Variants in CHM observed in about 807,000 individuals in gnomAD.
CHM encodes CHM Rab escort protein.
A neutral mutation model predicts 49.0 loss-of-function variants in CHM; 10 were observed. The ratio of observed to expected loss-of-function variants is 0.20; its 90% CI spans 0.13 to 0.35. The LOEUF (loss-of-function observed/expected upper bound fraction) is 0.35. CHM is among the 10% of genes least tolerant of loss of function. CHM has a pLI of 1.00. For synonymous variants in CHM, 184 were observed against 167.5 expected (o/e 1.10, Z -0.76); for missense variants, 455 against 478.4 (o/e 0.95, Z 0.46).
chrX:85,899,810 AC>A (rs1926140903), intron 11 of CHM, among the ~76,000 whole-genome samples: 1 of 108,937 alleles, frequency 9.2e-6, no homozygotes, highest in African/African-American at 3.3e-5. Context: ...TATACATATT[AC>A]CATGTAGATT....
chrX:86,022,420 C>T (rs1362015315), intron 2 of CHM, among the ~76,000 whole-genome samples: 1 of 111,189 alleles, frequency 9.0e-6, no homozygotes, highest in African/African-American at 3.3e-5. Flanking sequence ...CAGACTTTCT[C>T]CTCTATGGGT....
chrX:85,974,970 A>AT (rs1235013425), intron 4 of CHM, among the ~76,000 whole-genome samples: 2 of 110,781 alleles, frequency 1.8e-5, no homozygotes, highest in Non-Finnish European at 3.8e-5. Context: ...TTTAGAATGG[A>AT]TTTTTTTTAA....
At chrX:86,002,926 G>A (rs62608952) in intron 2 of CHM, among the ~76,000 whole-genome samples, 19,020 of 111,710 alleles carry the variant, frequency 0.17, 1,539 homozygotes, top group Non-Finnish European at 0.25. Flanking sequence ...CGAACAGACT[G>A]CCTCCTTAAG....
At chrX:86,014,525 G>A (rs868642414) in intron 2 of CHM, among the ~76,000 whole-genome samples, 1 of 112,633 alleles carries the variant, frequency 8.9e-6, no homozygotes, top group African/African-American at 3.2e-5. Flanking sequence ...ATGAATTACA[G>A]AACTAACTAA....
intron 2 of CHM, among the ~76,000 whole-genome samples, chrX:85,986,315 A>G (rs1931908094): frequency 9.0e-6 from 1 of 111,431 alleles, no homozygotes; most frequent in Non-Finnish European, 1.9e-5. Flanking sequence ...CAAGTTGTGG[A>G]AAAAACATAA....
chrX:85,902,889 C>G (rs1926370742), intron 9 of CHM, among the ~76,000 whole-genome samples: 1 of 111,280 alleles, frequency 9.0e-6, no homozygotes, highest in African/African-American at 3.3e-5. Flanking sequence ...GAGGAAATAA[C>G]TGGGCAGAAA....
At chrX:85,882,999 G>T (rs1165028336) in intron 12 of CHM, among the ~76,000 whole-genome samples, 2 of 111,087 alleles carry the variant, frequency 1.8e-5, no homozygotes, top group South Asian at 3.8e-4. Context: ...ACCTCTTCCG[G>T]TCTCAAATTT....
intron 8 of CHM, among the ~76,000 whole-genome samples, chrX:85,951,818 C>A (rs772797602): frequency 2.0e-4 from 22 of 112,632 alleles, no homozygotes; most frequent in African/African-American, 7.1e-4. Context: ...CTGAAGGAGG[C>A]ACTGAAGACA....
At chrX:85,878,077 G>C (rs1393588044) in intron 13 of CHM, among the ~76,000 whole-genome samples, 2 of 111,879 alleles carry the variant, frequency 1.8e-5, no homozygotes, top group African/African-American at 6.5e-5. Context: ...AGCTGCAAGT[G>C]CTACCCTATT....
chrX:86,028,361 G>A (rs1933922039), intron 1 of CHM, among the ~76,000 whole-genome samples: 1 of 111,563 alleles, frequency 9.0e-6, no homozygotes, highest in African/African-American at 3.3e-5. Context: ...TTTAAACCCA[G>A]ATATAACTCC....
At chrX:85,883,090 G>C (rs1924859415) in intron 12 of CHM, among the ~76,000 whole-genome samples, 1 of 111,594 alleles carries the variant, frequency 9.0e-6, no homozygotes, top group East Asian at 2.8e-4. Context: ...CATTACAAAT[G>C]TGAATGTAAA....
chrX:85,993,337 C>T (rs968312527), intron 2 of CHM, among the ~76,000 whole-genome samples: 5 of 111,506 alleles, frequency 4.5e-5, no homozygotes, highest in African/African-American at 1.3e-4. Context: ...AAAAAAAAAT[C>T]TTAAACTCAT....
chrX:86,041,399 C>A (rs766748775), intron 1 of CHM, among the ~76,000 whole-genome samples: 3 of 110,748 alleles, frequency 2.7e-5, no homozygotes, highest in African/African-American at 9.8e-5. Context: ...TTTTTCAGAA[C>A]AGCAAAATCT....
Position 86,047,516 on chromosome X carries a change from G to A in CHM, c.17C>T (p.Pro6Leu), listed in dbSNP as rs201252021. 1.2e-5 allele frequency: 14 copies of A among 1,207,864 alleles called. No individual in the cohort carries two copies. Among genetic ancestry groups the A allele is most frequent in the African/African-American group, 1.7e-5 (1 of 57,771 alleles). ...TATTACGATCACATCAAACTCCGAA[G>A]GGAGAGTATCCGCCATCTTGACGGG... MADTL[P>L]SEFDVIVIGT... The change falls in exon 1 of 15, where the codon CCT becomes CTT. Residue 6 changes from proline to leucine, a missense_variant. Transcript: ENST00000357749.
At chrX:85,887,128 G>C (rs1925134299) in intron 12 of CHM, among the ~76,000 whole-genome samples, 1 of 109,716 alleles carries the variant, frequency 9.1e-6, no homozygotes, top group Admixed American at 9.9e-5. Context: ...GTCTAGTTTT[G>C]TACTGATAAA....
At chrX:85,884,186 C>G (rs1041897283) in intron 12 of CHM, among the ~76,000 whole-genome samples, 3 of 110,475 alleles carry the variant, frequency 2.7e-5, no homozygotes, top group African/African-American at 9.8e-5. Flanking sequence ...TTTAACAATC[C>G]CAGTAACTTG....
At chrX:85,965,140 TA>T (rs1411236875) in intron 4 of CHM, among the ~76,000 whole-genome samples, 1 of 112,810 alleles carries the variant, frequency 8.9e-6, no homozygotes, top group African/African-American at 3.2e-5. Context: ...TTATCAATTC[TA>T]ATTGTCAAAT....
chrX:85,876,274 C>A (rs1924407804), intron 13 of CHM, among the ~76,000 whole-genome samples: 1 of 110,991 alleles, frequency 9.0e-6, no homozygotes. Context: ...ATGTAGAATT[C>A]AAAGACAAAC....
intron 1 of CHM, among the ~76,000 whole-genome samples, chrX:86,029,239 A>C (rs893115114): frequency 3.6e-5 from 4 of 112,389 alleles, no homozygotes; most frequent in African/African-American, 1.3e-4. Context: ...AGAAAGTTTT[A>C]AATAGCTAAA....
Sources: gnomAD v4.1 joint callset for allele counts (sites outside exome capture counted in the v4.1 genomes callset) on GRCh38, gnomAD v4.1.1 for gene constraint, MANE v1.5 for transcripts, NCBI Gene and HGNC (gene_info 2026-07-23, HGNC 2026-07-21) for gene names.